Variants in EYS observed in about 807,000 individuals in gnomAD.
The protein encoded by EYS is protein eyes shut homolog.
A neutral mutation model predicts 282.1 loss-of-function variants in EYS; 250 were observed. That is an observed-to-expected ratio of 0.89 (90% CI 0.80 to 0.98). The LOEUF is 0.98. EYS is among the 50% of genes least tolerant of loss of function. The pLI is 0.00. For missense variants in EYS, 4,016 were observed against 3,709.0 expected, an observed-to-expected ratio of 1.08 and a Z score of -2.15; for synonymous variants, 1,355 against 1,282.9, an observed-to-expected ratio of 1.06 and a Z score of -1.20.
Position 64,395,784 on chromosome 6 carries a change from TA to T in EYS, c.5928-6945del, listed in dbSNP as rs1179045443. 7.0e-5 allele frequency among the ~76,000 whole-genome samples: 10 copies of T among 142,920 alleles called. No individual in the cohort carries two copies. In the East Asian group the frequency reaches 1.6e-3, roughly 22 times the overall value. 93.8% of individuals were successfully genotyped at this position (142,920 alleles called of 152,430 possible). ...TGTACCCTAAAACTTAAAGTATAAT[TA>T]AAAAAAAAGAAAAAAAAACAAAAAA... On this transcript the variant is annotated intron_variant, in intron 28 of 42. Transcript: ENST00000503581.
At position 65,605,790 on chromosome 6, in the gene EYS, T is replaced by G. The variant is rs185634095; in HGVS notation, c.-333+33988A>C. ...GTGAAAAAGGCAAGCTATGAAAAAT[T>G]ATGTTGAATAAATATGTGTGTGTAT... On this transcript the variant is annotated intron_variant, in intron 2 of 42. Transcript: ENST00000503581. Among the ~76,000 whole-genome samples, 738 of 151,860 alleles carry G rather than the reference T, an allele frequency of 4.9e-3. 3 individuals are homozygous for G. Among genetic ancestry groups the G allele is most frequent in the African/African-American group, 0.017 (699 of 41,514 alleles).
chr6:65,128,868 G>A (rs908533157), intron 12 of EYS, among the ~76,000 whole-genome samples: 7 of 151,928 alleles, frequency 4.6e-5, no homozygotes, highest in Non-Finnish European at 1.5e-5. Context: ...GCAATCCTAA[G>A]CAAAAAGAAC....
intron 26 of EYS, among the ~76,000 whole-genome samples, chr6:64,445,294 G>T (rs1775083245): frequency 6.6e-6 from 1 of 151,980 alleles, no homozygotes; most frequent in Admixed American, 6.6e-5. Context: ...GCTTTGTGAA[G>T]AAAACATAAA....
At chr6:63,894,572 T>TG (rs761047170) in intron 35 of EYS, among the ~76,000 whole-genome samples, 8,897 of 149,212 alleles carry the variant, frequency 0.06, 389 homozygotes, top group Non-Finnish European at 0.091. Context: ...CTGTTGTTTT[T>TG]TTTTGTTTGT....
At chr6:65,017,576 T>C (rs1007263502) in intron 13 of EYS, among the ~76,000 whole-genome samples, 3 of 152,198 alleles carry the variant, frequency 2.0e-5, no homozygotes, top group Non-Finnish European at 4.4e-5. Flanking sequence ...TAAGCTGGAC[T>C]GGCTGCATAA....
intron 22 of EYS, among the ~76,000 whole-genome samples, chr6:64,758,144 T>C (rs779947863): frequency 6.6e-6 from 1 of 152,068 alleles, no homozygotes; most frequent in Admixed American, 6.5e-5. Flanking sequence ...ATTTGTTGAG[T>C]GTCAGTCTTG....
At chr6:65,619,329 T>G in intron 2 of EYS, among the ~76,000 whole-genome samples, 1 of 151,810 alleles carries the variant, frequency 6.6e-6, no homozygotes, top group Non-Finnish European at 1.5e-5. Flanking sequence ...TGAATGGGAG[T>G]TCACTCATGA....
intron 1 of EYS, among the ~76,000 whole-genome samples, chr6:65,681,917 G>A (rs1768838544): frequency 6.6e-6 from 1 of 151,924 alleles, no homozygotes; most frequent in South Asian, 2.1e-4. Context: ...GTCAAGCTCT[G>A]TGAGAGAGTA....
At chr6:65,444,733 G>T (rs1582304774) in intron 5 of EYS, among the ~76,000 whole-genome samples, 1 of 151,988 alleles carries the variant, frequency 6.6e-6, no homozygotes, top group African/African-American at 2.4e-5. Flanking sequence ...AATATTATTA[G>T]TTGCAATTAT....
intron 31 of EYS, among the ~76,000 whole-genome samples, chr6:64,115,222 C>T (rs1476300792): frequency 6.6e-6 from 1 of 152,174 alleles, no homozygotes. Flanking sequence ...CTTTAAGCAC[C>T]TGTGCTTCAT....
intron 2 of EYS, among the ~76,000 whole-genome samples, chr6:65,585,142 A>G (rs549513035): frequency 2.0e-5 from 3 of 152,022 alleles, no homozygotes; most frequent in African/African-American, 7.2e-5. Flanking sequence ...CTTACAATAA[A>G]GCATTAATTC....
intron 22 of EYS, among the ~76,000 whole-genome samples, chr6:64,805,998 C>G (rs1429914156): frequency 6.6e-6 from 1 of 150,836 alleles, no homozygotes; most frequent in East Asian, 1.9e-4. Context: ...TAGGAAAAGG[C>G]CTACTAATTT....
intron 13 of EYS, among the ~76,000 whole-genome samples, chr6:65,015,767 G>A (rs1169105206): frequency 6.7e-6 from 1 of 149,868 alleles, no homozygotes; most frequent in Admixed American, 6.7e-5. Context: ...GGGTGCAGTG[G>A]CTCACATCTG....
At chr6:64,802,018 T>TTTTTTG (rs1764248883) in intron 22 of EYS, among the ~76,000 whole-genome samples, 1 of 129,964 alleles carries the variant, frequency 7.7e-6, no homozygotes, top group Non-Finnish European at 1.6e-5. Flanking sequence ...AACAAATTTC[T>TTTTTTG]TTTTCTTTTT....
At chr6:64,193,245 A>G (rs551862831) in intron 31 of EYS, among the ~76,000 whole-genome samples, 1 of 152,298 alleles carries the variant, frequency 6.6e-6, no homozygotes, top group South Asian at 2.1e-4. Flanking sequence ...CAGTGTTCCA[A>G]TTCAATAACT....
At chr6:64,292,027 T>C (rs1371234675) in intron 30 of EYS, among the ~76,000 whole-genome samples, 1 of 152,144 alleles carries the variant, frequency 6.6e-6, no homozygotes, top group African/African-American at 2.4e-5. Context: ...CTCCACTTTA[T>C]TGGTAAGGAA....
chr6:63,833,161 C>G (rs1771694878), intron 36 of EYS, among the ~76,000 whole-genome samples: 1 of 152,126 alleles, frequency 6.6e-6, no homozygotes, highest in South Asian at 2.1e-4. Flanking sequence ...TGGCACAAGA[C>G]AGGGATGCCC....
At chr6:64,462,067 T>C (rs750969235) in intron 26 of EYS, among the ~76,000 whole-genome samples, 29 of 152,270 alleles carry the variant, frequency 1.9e-4, no homozygotes, top group Middle Eastern at 6.8e-3. Flanking sequence ...GTGTATAAAA[T>C]GCTTTAAAAT....
chr6:64,403,980 T>C (rs983371681), intron 28 of EYS, among the ~76,000 whole-genome samples: 1 of 152,178 alleles, frequency 6.6e-6, no homozygotes, highest in African/African-American at 2.4e-5. Context: ...GGAGCTTGTG[T>C]AGGGCTTACC....
Sources: allele counts gnomAD v4.1 joint callset (sites outside exome capture counted in the v4.1 genomes callset), GRCh38; gene constraint gnomAD v4.1.1; transcripts MANE v1.5; gene names NCBI Gene and HGNC (gene_info 2026-07-23, HGNC 2026-07-21).